Variants in SCHIP1 observed in about 807,000 individuals in gnomAD.
The protein encoded by SCHIP1 is schwannomin interacting protein 1, also known as schwannomin-interacting protein 1.
In SCHIP1, 8 loss-of-function variants were observed where a neutral mutation model predicts 29.7. That is an observed-to-expected ratio of 0.27 (90% CI 0.16 to 0.49). The LOEUF (loss-of-function observed/expected upper bound fraction) is 0.49, where lower values mean the gene tolerates loss of function less well. Ranked by LOEUF, SCHIP1 falls within the 20% of genes least tolerant of loss-of-function variation. The probability of loss-of-function intolerance (pLI) is 0.99; values close to 1 mark genes in which losing one functional copy is unlikely to be tolerated. For synonymous variants in SCHIP1, 76 were observed against 94.9 expected, an observed-to-expected ratio of 0.80 and a Z score of 1.16; for missense variants, 193 against 294.6, an observed-to-expected ratio of 0.66 and a Z score of 2.52.
chr3:159,683,266 A>T, the SCHIP1 span, among the ~76,000 whole-genome samples: 4 of 151,826 alleles, frequency 2.6e-5, no homozygotes, highest in Admixed American at 2.6e-4. Flanking sequence ...TGGCCAGGCT[A>T]GCCTCGAACT....
chr3:159,288,942 T>C, the SCHIP1 span, among the ~76,000 whole-genome samples: 1 of 152,202 alleles, frequency 6.6e-6, no homozygotes, highest in Admixed American at 6.5e-5. Context: ...CAGTCTTCCC[T>C]ATGTAAGTCA....
At chr3:159,789,095 T>C in the SCHIP1 span, among the ~76,000 whole-genome samples, 1 of 151,812 alleles carries the variant, frequency 6.6e-6, no homozygotes, top group Non-Finnish European at 1.5e-5. Flanking sequence ...CCTGTATATG[T>C]GTATGTATAC....
chr3:159,852,182 C>T (rs1712736336), intron 1 of SCHIP1, among the ~76,000 whole-genome samples: 1 of 152,184 alleles, frequency 6.6e-6, no homozygotes, highest in Non-Finnish European at 1.5e-5. Context: ...TCTTGAATAG[C>T]CTTTTTGCTT....
At chr3:159,539,110 C>A in the SCHIP1 span, among the ~76,000 whole-genome samples, 4 of 152,038 alleles carry the variant, frequency 2.6e-5, no homozygotes, top group Non-Finnish European at 4.4e-5. Flanking sequence ...TCTTATAATG[C>A]AATATGAACC....
chr3:159,822,847 CAATT>C, the SCHIP1 span, among the ~76,000 whole-genome samples: 3 of 151,404 alleles, frequency 2.0e-5, no homozygotes, highest in African/African-American at 7.3e-5. Flanking sequence ...GAAGGACAGA[CAATT>C]AATTGTTTGC....
At chr3:159,428,818 T>A in the SCHIP1 span, among the ~76,000 whole-genome samples, 1 of 152,076 alleles carries the variant, frequency 6.6e-6, no homozygotes, top group Non-Finnish European at 1.5e-5. Context: ...CATGATAGAC[T>A]GGATTAAGAA....
the SCHIP1 span, among the ~76,000 whole-genome samples, chr3:159,592,390 T>A: frequency 4.6e-5 from 7 of 152,064 alleles, no homozygotes; most frequent in African/African-American, 1.5e-4. Context: ...AATTATAGAT[T>A]GGATAAGCCT....
chr3:159,474,780 T>C, the SCHIP1 span, among the ~76,000 whole-genome samples: 1 of 152,124 alleles, frequency 6.6e-6, no homozygotes, highest in Admixed American at 6.6e-5. Context: ...CAAATTTGGC[T>C]CTTGAGGAAC....
chr3:159,779,815 C>T, the SCHIP1 span, among the ~76,000 whole-genome samples: 1 of 152,132 alleles, frequency 6.6e-6, no homozygotes, highest in Non-Finnish European at 1.5e-5. Flanking sequence ...ATAGCACTAA[C>T]TCAACATTTC....
chr3:159,671,471 C>T, the SCHIP1 span, among the ~76,000 whole-genome samples: 1 of 152,178 alleles, frequency 6.6e-6, no homozygotes, highest in African/African-American at 2.4e-5. Context: ...GCTCTTTCTC[C>T]CCATCCCTTG....
At chr3:159,742,834 ATTTTT>A in the SCHIP1 span, among the ~76,000 whole-genome samples, 1 of 110,818 alleles carries the variant, frequency 9.0e-6, no homozygotes, top group Admixed American at 9.6e-5. Context: ...CGCCTAGCTA[ATTTTT>A]TTTTTTTTTT....
At chr3:159,393,406 G>C in the SCHIP1 span, among the ~76,000 whole-genome samples, 2 of 151,770 alleles carry the variant, frequency 1.3e-5, no homozygotes. Flanking sequence ...TGTCCTGAAT[G>C]GTAATGCCTA....
chr3:159,887,744 A>G (rs751943212), exon 4 of SCHIP1: 3 of 1,613,904 alleles, frequency 1.9e-6, no homozygotes, highest in Admixed American at 3.3e-5. Flanking sequence ...TAGAGACACT[A>G]CTGAAGAGGA....
At chr3:159,348,498 A>C in the SCHIP1 span, among the ~76,000 whole-genome samples, 1 of 152,146 alleles carries the variant, frequency 6.6e-6, no homozygotes, top group African/African-American at 2.4e-5. Context: ...CGTACTTTTT[A>C]TATTAGTTTA....
the SCHIP1 span, among the ~76,000 whole-genome samples, chr3:159,606,012 A>C: frequency 1.3e-5 from 2 of 152,220 alleles, no homozygotes; most frequent in African/African-American, 4.8e-5. Flanking sequence ...CTCACATAGC[A>C]GAAAGCACTC....
At chr3:159,720,399 A>G in the SCHIP1 span, among the ~76,000 whole-genome samples, 1 of 152,142 alleles carries the variant, frequency 6.6e-6, no homozygotes, top group Non-Finnish European at 1.5e-5. Context: ...AATTAAAAAT[A>G]AATAAATAAG....
the SCHIP1 span, among the ~76,000 whole-genome samples, chr3:159,524,233 C>A: frequency 6.6e-6 from 1 of 152,250 alleles, no homozygotes; most frequent in Admixed American, 6.5e-5. Flanking sequence ...GGCAGATATT[C>A]TGCCATCCTC....
At chr3:159,781,285 C>A in the SCHIP1 span, among the ~76,000 whole-genome samples, 1 of 152,150 alleles carries the variant, frequency 6.6e-6, no homozygotes, top group African/African-American at 2.4e-5. Flanking sequence ...AAGCGATTCA[C>A]CTGCCTCGGC....
At chr3:159,543,782 T>C in the SCHIP1 span, among the ~76,000 whole-genome samples, 1 of 152,096 alleles carries the variant, frequency 6.6e-6, no homozygotes, top group Non-Finnish European at 1.5e-5. Flanking sequence ...AGATCCCTGA[T>C]GAATCGCCAC....
Sources: allele counts gnomAD v4.1 joint callset (sites outside exome capture counted in the v4.1 genomes callset), GRCh38; gene constraint gnomAD v4.1.1; transcripts MANE v1.5; gene names NCBI Gene and HGNC (gene_info 2026-07-23, HGNC 2026-07-21).